NISCH: variants seen among roughly 807,000 people sequenced by gnomAD.
NISCH encodes I-1 receptor candidate protein.
A neutral mutation model predicts 138.4 loss-of-function variants in NISCH; 55 were observed. That is an observed-to-expected ratio of 0.40 (90% CI 0.32 to 0.50). The LOEUF is 0.50. NISCH is among the 20% of genes least tolerant of loss of function. NISCH has a pLI of 0.71. For missense variants in NISCH, 1,643 were observed against 2,005.5 expected (o/e 0.82, Z 3.45); for synonymous variants, 860 against 861.5 (o/e 1.00, Z 0.03).
rs1706973101 is a variant in NISCH at position 52,472,293 on chromosome 3, T to C, written c.574-10T>C. The C allele has an allele frequency of 6.2e-7, 1 of 1,613,400 alleles. No individual in the cohort carries two copies. Among genetic ancestry groups the C allele is most frequent in the Non-Finnish European group, 8.5e-7 (1 of 1,179,540 alleles). ...ACTGTTCCCAATTTAAGCCTTATCT[T>C]TGGCTTCAGGTTTCTGGCACAGAAG... On this transcript the variant is annotated splice_polypyrimidine_tract_variant and intron_variant, in intron 5 of 20. Coordinates refer to ENST00000345716, the MANE Select transcript of NISCH (RefSeq NM_007184.4).
intron 3 of NISCH, among the ~76,000 whole-genome samples, chr3:52,459,336 C>A (rs1053959677): frequency 7.9e-5 from 12 of 152,188 alleles, no homozygotes; most frequent in African/African-American, 2.9e-4. Flanking sequence ...CATAGAACAG[C>A]TCTGTACTCC....
At chr3:52,456,976 G>A (rs1169024948) in intron 1 of NISCH, among the ~76,000 whole-genome samples, 1 of 152,194 alleles carries the variant, frequency 6.6e-6, no homozygotes, top group Non-Finnish European at 1.5e-5. Context: ...GGGGGAGGTG[G>A]TGATCTAGTT....
chr3:52,485,052 G>A (rs987565957), intron 14 of NISCH, among the ~76,000 whole-genome samples: 2 of 152,198 alleles, frequency 1.3e-5, no homozygotes, highest in African/African-American at 4.8e-5. Context: ...GGAGCCACTC[G>A]GCGCCTTTCC....
chr3:52,465,531 A>G (rs1045215178), intron 3 of NISCH, among the ~76,000 whole-genome samples: 1 of 152,220 alleles, frequency 6.6e-6, no homozygotes, highest in Non-Finnish European at 1.5e-5. Flanking sequence ...TGAGGGGCAC[A>G]CTGTGGCACT....
chr3:52,463,577 G>T (rs1251662100), intron 3 of NISCH, among the ~76,000 whole-genome samples: 1 of 151,916 alleles, frequency 6.6e-6, no homozygotes, highest in Non-Finnish European at 1.5e-5. Flanking sequence ...GCAGTGTATA[G>T]GTTCTAATTT....
At chr3:52,485,035 C>T (rs1707370643) in intron 14 of NISCH, among the ~76,000 whole-genome samples, 1 of 152,154 alleles carries the variant, frequency 6.6e-6, no homozygotes, top group African/African-American at 2.4e-5. Flanking sequence ...TGTTTCCTGG[C>T]ACCCCTGGAG....
intron 3 of NISCH, among the ~76,000 whole-genome samples, chr3:52,459,850 G>C (rs1294253802): frequency 6.6e-6 from 1 of 151,672 alleles, no homozygotes; most frequent in African/African-American, 2.4e-5. Flanking sequence ...TAACAAAATA[G>C]TAAGGACAAC....
At chr3:52,464,271 G>T (rs570264305) in intron 3 of NISCH, among the ~76,000 whole-genome samples, 1 of 151,636 alleles carries the variant, frequency 6.6e-6, no homozygotes, top group African/African-American at 2.4e-5. Context: ...GGTGGTGTGT[G>T]CCTGTAATCT....
chr3:52,474,504 G>A (rs966359714), intron 7 of NISCH, among the ~76,000 whole-genome samples: 1 of 152,086 alleles, frequency 6.6e-6, no homozygotes, highest in African/African-American at 2.4e-5. Flanking sequence ...CACCATGTTA[G>A]CCAGGATGGT....
chr3:52,471,061 G>A (rs986935726), intron 4 of NISCH, among the ~76,000 whole-genome samples, 154 bp downstream of exon 4: 1 of 152,108 alleles, frequency 6.6e-6, no homozygotes, highest in Non-Finnish European at 1.5e-5. Context: ...CAGTACTCTT[G>A]AGTACCATGT....
chr3:52,464,517 CTTTT>C (rs71084185), intron 3 of NISCH, among the ~76,000 whole-genome samples: 2 of 75,808 alleles, frequency 2.6e-5, no homozygotes, highest in African/African-American at 5.4e-5. Flanking sequence ...TGTGAGTTGT[CTTTT>C]TTTTTTTTTT....
intron 6 of NISCH, 67 bp from the exon 7 acceptor site, chr3:52,473,667 C>A: frequency 8.7e-7 from 1 of 1,154,958 alleles, no homozygotes; most frequent in Non-Finnish European, 1.3e-6. Context: ...GTAGGAAACA[C>A]CTGCATCTGG....
chr3:52,457,745 GATA>G, intron 1 of NISCH, 95 bp from the exon 2 acceptor site: 2 of 937,262 alleles, frequency 2.1e-6, no homozygotes, highest in Non-Finnish European at 3.5e-6. Context: ...ACTGATAAAA[GATA>G]ATTGGGAAAG....
At chr3:52,470,737 C>A in intron 3 of NISCH, 122 bp from the exon 4 acceptor site, 1 of 812,318 alleles carries the variant, frequency 1.2e-6, no homozygotes. Context: ...GCCCTCCTTT[C>A]TTTAGTTTAA....
intron 3 of NISCH, among the ~76,000 whole-genome samples, chr3:52,465,612 C>T (rs565149914): frequency 7.9e-5 from 12 of 152,314 alleles, no homozygotes; most frequent in African/African-American, 2.9e-4. Context: ...CAGGCCTCAT[C>T]CCAGAACCCC....
At chr3:52,479,582 G>A (rs975884752) in intron 11 of NISCH, among the ~76,000 whole-genome samples, 167 bp from the exon 12 acceptor site, 3 of 152,152 alleles carry the variant, frequency 2.0e-5, no homozygotes, top group African/African-American at 7.2e-5. Flanking sequence ...AGCCTATGGT[G>A]TCCTCACGTG....
In NISCH at chr3:52,471,869, T is replaced by C; in HGVS notation, c.465T>C (p.Tyr155=). The part of the protein sequence containing the change: ...EVFAIGPLQL[Y]AVTEQLQQGK... Reference sequence around the variant, plus strand: ...TTGCCATTGGACCCCTGCAGCTGTATGCCGTCACGGAGCAGCTGCAGCAGG... The same window carrying C: ...TTGCCATTGGACCCCTGCAGCTGTACGCCGTCACGGAGCAGCTGCAGCAGG... Residue 155 remains tyrosine, a synonymous_variant, in exon 5 of 21, where the codon TAT becomes TAC. Transcript: ENST00000345716. The C allele has an allele frequency of 2.5e-6, 4 of 1,613,836 alleles. No homozygotes were observed. Among genetic ancestry groups the C allele is most frequent in the Non-Finnish European group, 3.4e-6 (4 of 1,179,922 alleles).
In NISCH at chr3:52,487,651, GCAGTATCCGC is replaced by G. The variant is rs1559642059; in HGVS notation, c.2164_2173del (p.Ile722SerfsTer248). On this transcript the variant is annotated frameshift_variant, in exon 16 of 21. Coordinates refer to ENST00000345716, the MANE Select transcript of NISCH (RefSeq NM_007184.4). LOFTEE classifies it high-confidence loss of function. The surrounding 1 kb of genome is among the most constrained non-coding windows in gnomAD (Gnocchi z 9.1). The stretch of plus-strand genomic sequence containing the variant: ...TGGTGCTTCCTGATCCATGTGCAGG[GCAGTATCCGC>G]CAGTTCGCCGCCTGCCTTGTGCTCA... 2 of 1,613,808 alleles carry G rather than the reference GCAGTATCCGC, an allele frequency of 1.2e-6. No individual in the cohort carries two copies. Among genetic ancestry groups the G allele is most frequent in the Non-Finnish European group, 1.7e-6 (2 of 1,180,006 alleles).
intron 17 of NISCH, 193 bp downstream of exon 17, chr3:52,489,871 A>C: frequency 8.4e-7 from 1 of 1,194,070 alleles, no homozygotes. Context: ...CTGTGTCACC[A>C]CCTCCTGTGC....
Sources: allele counts gnomAD v4.1 joint callset (sites outside exome capture counted in the v4.1 genomes callset), GRCh38; gene constraint gnomAD v4.1.1; non-coding constraint Gnocchi (gnomAD v3.1); transcripts MANE v1.5; gene names NCBI Gene and HGNC (gene_info 2026-07-23, HGNC 2026-07-21).